The following SDK1 variants were observed in gnomAD, a reference collection of about 807,000 sequenced individuals.
SDK1 encodes the protein protein sidekick-1.
In SDK1, 157 loss-of-function variants were observed where a neutral mutation model predicts 245.5. The observed-to-expected ratio is 0.64, with a 90% confidence interval of 0.56 to 0.73. The LOEUF is 0.73. Among genes scored for constraint, SDK1 ranks in the 30% least tolerant of loss-of-function variants. SDK1 has a pLI of 0.00. For missense variants in SDK1, 3,583 were observed against 3,002.3 expected, an observed-to-expected ratio of 1.19 and a Z score of -4.52; for synonymous variants, 1,647 against 1,278.5, an observed-to-expected ratio of 1.29 and a Z score of -6.15.
chr7:3,956,398 C>T (rs1049689672), intron 7 of SDK1, among the ~76,000 whole-genome samples: 20 of 152,242 alleles, frequency 1.3e-4, no homozygotes, highest in Non-Finnish European at 2.4e-4. Context: ...TCTGAGCAGC[C>T]GCTGGGTTAG....
intron 22 of SDK1, among the ~76,000 whole-genome samples, chr7:4,094,324 A>G (rs1286441768): frequency 6.6e-6 from 1 of 152,156 alleles, no homozygotes; most frequent in African/African-American, 2.4e-5. Context: ...GGCCTCCCAA[A>G]GTGCTGGTAT....
intron 1 of SDK1, among the ~76,000 whole-genome samples, chr7:3,533,133 G>A (rs1488631597): frequency 3.3e-5 from 5 of 152,236 alleles, no homozygotes; most frequent in African/African-American, 1.2e-4. Flanking sequence ...TTCAGGTGGA[G>A]TTTGGTACAG....
At chr7:4,232,761 CTCA>C (rs1785879149) in intron 40 of SDK1, 1 of 152,774 alleles carries the variant, frequency 6.5e-6, no homozygotes. Context: ...CCATGCCTGG[CTCA>C]TCGTGATTCT....
chr7:4,040,422 G>A (rs959670701), intron 17 of SDK1, among the ~76,000 whole-genome samples: 4 of 152,090 alleles, frequency 2.6e-5, no homozygotes, highest in South Asian at 4.1e-4. Flanking sequence ...ATTGTGAAGC[G>A]GCATTTTTGT....
At chr7:3,821,874 A>G (rs1172943908) in intron 5 of SDK1, among the ~76,000 whole-genome samples, 1 of 152,228 alleles carries the variant, frequency 6.6e-6, no homozygotes, top group Non-Finnish European at 1.5e-5. Context: ...TGTTGTTCCT[A>G]ACAACAAAGA....
intron 1 of SDK1, among the ~76,000 whole-genome samples, chr7:3,355,675 A>G (rs66604259): frequency 0.23 from 35,623 of 152,130 alleles, 4,643 homozygotes; most frequent in East Asian, 0.38. Context: ...CGACAAATCT[A>G]TTCCTGCAGA....
intron 5 of SDK1, among the ~76,000 whole-genome samples, chr7:3,871,011 A>G (rs1343880044): frequency 6.6e-6 from 1 of 152,210 alleles, no homozygotes; most frequent in Non-Finnish European, 1.5e-5. Flanking sequence ...CATCTTCACA[A>G]CATTGATCTA....
At chr7:4,082,230 G>A (rs1447292493) in intron 22 of SDK1, among the ~76,000 whole-genome samples, 5 of 152,066 alleles carry the variant, frequency 3.3e-5, no homozygotes, top group Non-Finnish European at 7.4e-5. Context: ...GAGCTTGCCT[G>A]TATGTCTTAC....
intron 30 of SDK1, among the ~76,000 whole-genome samples, chr7:4,152,380 G>A (rs541656056): frequency 7.9e-5 from 12 of 152,144 alleles, no homozygotes; most frequent in African/African-American, 1.4e-4. Flanking sequence ...GGCCAGGTGC[G>A]CCCAGCCTGA....
intron 1 of SDK1, among the ~76,000 whole-genome samples, chr7:3,385,916 C>G (rs888408801): frequency 6.6e-6 from 1 of 152,032 alleles, no homozygotes; most frequent in Admixed American, 6.5e-5. Context: ...AGTAGTCATA[C>G]TTCTGTAAAA....
chr7:3,566,332 C>A (rs1424711193), intron 1 of SDK1, among the ~76,000 whole-genome samples: 1 of 149,964 alleles, frequency 6.7e-6, no homozygotes, highest in South Asian at 2.1e-4. Flanking sequence ...TCACGCCATT[C>A]TCCTGCCTCA....
chr7:3,481,884 C>T (rs1489414838), intron 1 of SDK1, among the ~76,000 whole-genome samples: 1 of 152,128 alleles, frequency 6.6e-6, no homozygotes, highest in Non-Finnish European at 1.5e-5. Flanking sequence ...CTGTTTTCTG[C>T]CAGGACTCTG....
chr7:3,981,376 G>A (rs963843861), intron 13 of SDK1, among the ~76,000 whole-genome samples: 5 of 152,132 alleles, frequency 3.3e-5, no homozygotes, highest in African/African-American at 1.2e-4. Flanking sequence ...GCCCCACAGT[G>A]TGAAATTTGG....
intron 1 of SDK1, among the ~76,000 whole-genome samples, chr7:3,496,446 CTG>C (rs943867834): frequency 6.6e-6 from 1 of 151,240 alleles, no homozygotes; most frequent in Admixed American, 6.6e-5. Context: ...AGGTATCACG[CTG>C]TGTTTTTAAC....
At chr7:3,923,905 G>C (rs2128114212) in intron 5 of SDK1, among the ~76,000 whole-genome samples, 1 of 152,204 alleles carries the variant, frequency 6.6e-6, no homozygotes, top group East Asian at 1.9e-4. Flanking sequence ...TTTCAGGTTG[G>C]GCAGCCTCTC....
chr7:3,490,181 A>T (rs879498363), intron 1 of SDK1, among the ~76,000 whole-genome samples: 1 of 152,208 alleles, frequency 6.6e-6, no homozygotes, highest in Admixed American at 6.5e-5. Flanking sequence ...TTAATGTTGT[A>T]ACTGCTAGGT....
At chr7:4,171,771 G>A (rs1407436751) in intron 32 of SDK1, among the ~76,000 whole-genome samples, 1 of 152,258 alleles carries the variant, frequency 6.6e-6, no homozygotes, top group Non-Finnish European at 1.5e-5. Context: ...GCCGGGCAGT[G>A]CCATTTCCCC....
chr7:3,906,914 G>A (rs7797768), intron 5 of SDK1, among the ~76,000 whole-genome samples: 5,607 of 152,206 alleles, frequency 0.037, 372 homozygotes, highest in African/African-American at 0.13. Context: ...GCAGGCATGA[G>A]CCACCGTACC....
At chr7:3,846,562 C>T (rs1780282895) in intron 5 of SDK1, among the ~76,000 whole-genome samples, 1 of 152,184 alleles carries the variant, frequency 6.6e-6, no homozygotes, top group African/African-American at 2.4e-5. Flanking sequence ...AAAAGGAAGC[C>T]ATCCACCACT....
Sources: allele counts gnomAD v4.1 joint callset (sites outside exome capture counted in the v4.1 genomes callset), GRCh38; gene constraint gnomAD v4.1.1; transcripts MANE v1.5; gene names NCBI Gene and HGNC (gene_info 2026-07-23, HGNC 2026-07-21).